Variants in DLG2 observed in about 807,000 individuals in gnomAD.
DLG2 encodes disks large homolog 2.
DLG2 carries 45 observed loss-of-function variants against 132.5 expected under a neutral mutation model. The observed-to-expected ratio is 0.34, with a 90% CI of 0.27 to 0.44. The LOEUF (loss-of-function observed/expected upper bound fraction) is 0.44, where lower values mean the gene tolerates loss of function less well. Ranked by LOEUF, DLG2 falls within the 20% of genes least tolerant of loss-of-function variation. The probability of loss-of-function intolerance (pLI) is 1.00; values close to 1 mark genes in which losing one functional copy is unlikely to be tolerated. For synonymous variants in DLG2, 424 were observed against 419.6 expected (o/e 1.01, Z -0.13); for missense variants, 1,045 against 1,196.9 (o/e 0.87, Z 1.87).
intron 18 of DLG2, among the ~76,000 whole-genome samples, chr11:83,679,578 A>T (rs575630911): frequency 6.6e-6 from 1 of 152,322 alleles, no homozygotes; most frequent in Admixed American, 6.5e-5. Context: ...TGATCTAGTT[A>T]TAAGAAGTCT....
chr11:83,981,454 T>A (rs1216271558), intron 11 of DLG2, among the ~76,000 whole-genome samples: 1 of 152,096 alleles, frequency 6.6e-6, no homozygotes, highest in African/African-American at 2.4e-5. Flanking sequence ...TTAATTAATT[T>A]AATTTTTGAG....
At chr11:84,517,369 CA>C (rs1026421686) in intron 7 of DLG2, among the ~76,000 whole-genome samples, 32 of 151,804 alleles carry the variant, frequency 2.1e-4, no homozygotes, top group Non-Finnish European at 2.2e-4. Flanking sequence ...AGAAGACATA[CA>C]AATGGCCAAG....
At chr11:83,819,051 T>A (rs1385181359) in intron 17 of DLG2, among the ~76,000 whole-genome samples, 2 of 152,060 alleles carry the variant, frequency 1.3e-5, no homozygotes, top group Non-Finnish European at 1.5e-5. Context: ...AACAGTGTGA[T>A]TTTTTCTGAT....
At chr11:84,901,137 C>G (rs926722417) in intron 6 of DLG2, among the ~76,000 whole-genome samples, 1 of 151,874 alleles carries the variant, frequency 6.6e-6, no homozygotes, top group Non-Finnish European at 1.5e-5. Flanking sequence ...CCTCTGACAC[C>G]ATGTTTTCAG....
intron 16 of DLG2, among the ~76,000 whole-genome samples, chr11:83,835,988 G>C (rs1039023607): frequency 6.6e-5 from 10 of 152,168 alleles, no homozygotes; most frequent in African/African-American, 2.4e-4. Flanking sequence ...GGCTTATGTA[G>C]TTGTGGAGGC....
intron 8 of DLG2, among the ~76,000 whole-genome samples, chr11:84,189,125 C>T (rs546917969): frequency 4.6e-5 from 7 of 152,228 alleles, no homozygotes; most frequent in South Asian, 2.1e-4. Flanking sequence ...TTGATGCTAA[C>T]GTCTTACTGC....
chr11:85,552,682 C>G (rs1292955645), intron 3 of DLG2, among the ~76,000 whole-genome samples: 1 of 151,172 alleles, frequency 6.6e-6, no homozygotes, highest in Non-Finnish European at 1.5e-5. Flanking sequence ...TTAGATATTG[C>G]TGAAGAAAAA....
At chr11:84,870,981 C>T (rs1051666028) in intron 6 of DLG2, among the ~76,000 whole-genome samples, 1 of 152,192 alleles carries the variant, frequency 6.6e-6, no homozygotes, top group South Asian at 2.1e-4. Flanking sequence ...ATTTAACCAT[C>T]CTTTTACAAA....
intron 7 of DLG2, among the ~76,000 whole-genome samples, chr11:84,515,242 A>G (rs1415546027): frequency 3.3e-5 from 5 of 149,704 alleles, no homozygotes; most frequent in Admixed American, 2.0e-4. Context: ...AAATTATCCA[A>G]CCAAATTACG....
intron 3 of DLG2, among the ~76,000 whole-genome samples, chr11:85,533,789 C>T (rs1477017679): frequency 6.6e-6 from 1 of 152,090 alleles, no homozygotes; most frequent in Non-Finnish European, 1.5e-5. Context: ...CAGCGCTACG[C>T]CTGAGAGAAG....
intron 16 of DLG2, among the ~76,000 whole-genome samples, chr11:83,866,895 C>T (rs957752935): frequency 2.0e-5 from 3 of 152,134 alleles, no homozygotes; most frequent in Non-Finnish European, 4.4e-5. Flanking sequence ...AGACTCCTGA[C>T]CTGTGACTTC....
intron 18 of DLG2, among the ~76,000 whole-genome samples, chr11:83,707,988 T>C (rs1035770409): frequency 6.6e-6 from 1 of 152,222 alleles, no homozygotes; most frequent in African/African-American, 2.4e-5. Flanking sequence ...TAATAGTCTT[T>C]TAAATCCAGA....
At chr11:83,691,434 A>G (rs2153621179) in intron 18 of DLG2, among the ~76,000 whole-genome samples, 1 of 152,228 alleles carries the variant, frequency 6.6e-6, no homozygotes, top group East Asian at 1.9e-4. Context: ...AATACTTTTC[A>G]TTCTCCCTCT....
chr11:84,633,352 T>G (rs1594389839), intron 6 of DLG2, among the ~76,000 whole-genome samples: 2 of 152,292 alleles, frequency 1.3e-5, no homozygotes, highest in South Asian at 2.1e-4. Context: ...ATGACTTCTC[T>G]GTGCTTTTTT....
intron 14 of DLG2, among the ~76,000 whole-genome samples, chr11:83,939,851 T>G (rs1460838020): frequency 6.6e-6 from 1 of 152,170 alleles, no homozygotes; most frequent in East Asian, 1.9e-4. Flanking sequence ...TACCTTTAAC[T>G]GAATAGATGC....
intron 19 of DLG2, among the ~76,000 whole-genome samples, chr11:83,618,577 G>A (rs1390273362): frequency 6.6e-6 from 1 of 152,132 alleles, no homozygotes. Context: ...TTATGTTACT[G>A]AGGTCATAAG....
At chr11:84,254,901 G>A (rs1043197900) in intron 7 of DLG2, among the ~76,000 whole-genome samples, 2 of 152,148 alleles carry the variant, frequency 1.3e-5, no homozygotes, top group Non-Finnish European at 2.9e-5. Flanking sequence ...ACAAGATTGT[G>A]TAAAAATAAA....
intron 12 of DLG2, among the ~76,000 whole-genome samples, chr11:83,977,019 T>C (rs2092316312): frequency 6.6e-6 from 1 of 151,968 alleles, no homozygotes; most frequent in African/African-American, 2.4e-5. Flanking sequence ...ATAACATTAA[T>C]TATGAAGCTA....
chr11:85,426,891 C>T (rs1010430715), intron 3 of DLG2, among the ~76,000 whole-genome samples: 104 of 152,156 alleles, frequency 6.8e-4, no homozygotes, highest in African/African-American at 2.3e-3. Flanking sequence ...AAAAATTAGA[C>T]GAATGGCTAA....
Sources: allele counts gnomAD v4.1 joint callset (sites outside exome capture counted in the v4.1 genomes callset), GRCh38; gene constraint gnomAD v4.1.1; transcripts MANE v1.5; gene names NCBI Gene and HGNC (gene_info 2026-07-23, HGNC 2026-07-21).